The following TNNT2 variants were observed in gnomAD, a reference collection of about 807,000 sequenced individuals.
TNNT2 encodes troponin T, cardiac muscle.
Under a neutral mutation model 62.4 loss-of-function variants are expected in TNNT2, and 34 were observed. The ratio of observed to expected loss-of-function variants is 0.54; its 90% CI spans 0.41 to 0.72. The LOEUF is 0.72. Among genes scored for constraint, TNNT2 ranks in the 30% least tolerant of loss-of-function variants. The pLI, the probability that TNNT2 is intolerant of heterozygous loss-of-function variation, is 0.00. For synonymous variants in TNNT2, 123 were observed against 127.2 expected, an observed-to-expected ratio of 0.97 and a Z score of 0.22; for missense variants, 275 against 381.9, an observed-to-expected ratio of 0.72 and a Z score of 2.33.
intron 6 of TNNT2, 51 bp from the exon 7 acceptor site, chr1:201,367,857 C>T (rs1050684779): frequency 6.2e-7 from 1 of 1,601,380 alleles, no homozygotes. Context: ...AGCTCAAGTC[C>T]CCCCCTCCGC....
chr1:201,368,850 G>A (rs1213473613), intron 5 of TNNT2, among the ~76,000 whole-genome samples: 1 of 152,178 alleles, frequency 6.6e-6, no homozygotes, highest in Admixed American at 6.5e-5. Context: ...ACTGGGAAGT[G>A]GGTGCCTCTT....
intron 5 of TNNT2, chr1:201,369,431 CCAGCT>C (rs1660239271): frequency 2.1e-6 from 1 of 479,596 alleles, no homozygotes; most frequent in South Asian, 1.5e-5. Flanking sequence ...TTGGTGCTGT[CCAGCT>C]CCTAAGGAGG....
intron 10 of TNNT2, among the ~76,000 whole-genome samples, chr1:201,364,990 G>A (rs1158664061): frequency 6.6e-6 from 1 of 152,140 alleles, no homozygotes; most frequent in Non-Finnish European, 1.5e-5. Context: ...CAGTAGGATG[G>A]GGAGGGAAGG....
Position 201,362,029 on chromosome 1 carries a change from G to C in TNNT2, c.610-7C>G. 6.2e-7 allele frequency: 1 copy of C among 1,613,896 alleles called. No homozygotes were observed. The highest frequency in any genetic ancestry group is 2.2e-5 in the East Asian group (1 of 44,862). On this transcript the variant is annotated splice_region_variant and splice_polypyrimidine_tract_variant and intron_variant, in intron 13 of 16. Transcript: ENST00000656932. ...TCCCACTTTTCCGCTCTGTCTGGAG[G>C]GTGTGGGAAGCAGAGTAAACTGGCC...
rs1658119063 is a variant in TNNT2 at position 201,359,206 on chromosome 1, G to A, written c.*4C>T. On this transcript the variant is annotated 3_prime_UTR_variant, in exon 17 of 17. Coordinates refer to ENST00000656932, the MANE Select transcript of TNNT2 (RefSeq NM_001276345.2). ...AGCAGATCTTTGGTGAAGGAGGCCAGGCTCTATTTCCAGCGCCCGGTGACT... is the reference window on the plus strand; with the variant it reads ...AGCAGATCTTTGGTGAAGGAGGCCAAGCTCTATTTCCAGCGCCCGGTGACT... The A allele has an allele frequency of 6.2e-7, 1 of 1,609,164 alleles. No individual in the cohort carries two copies. Among genetic ancestry groups the A allele is most frequent in the African/African-American group, 1.3e-5 (1 of 74,912 alleles).
chr1:201,376,819 G>A (rs773681367), intron 1 of TNNT2, among the ~76,000 whole-genome samples: 5 of 152,194 alleles, frequency 3.3e-5, no homozygotes, highest in Non-Finnish European at 5.9e-5. Context: ...GGGTGTTGGG[G>A]TGGGATGGGA....
chr1:201,371,937 G>C, intron 4 of TNNT2, 90 bp downstream of exon 4: 1 of 1,537,702 alleles, frequency 6.5e-7, no homozygotes, highest in South Asian at 1.1e-5. Flanking sequence ...TGAGGAGCAG[G>C]GACAGATGAG....
chr1:201,362,518 T>C, intron 12 of TNNT2, 124 bp from the exon 13 acceptor site: 1 of 1,302,420 alleles, frequency 7.7e-7, no homozygotes, highest in Non-Finnish European at 1.1e-6. Flanking sequence ...AGATACTCGC[T>C]GTAGTCAGCC....
In TNNT2 at chr1:201,365,650, A is replaced by C. The variant is rs730881095; in HGVS notation, c.254T>G (p.Val85Gly). 2 of 1,613,892 alleles carry C rather than the reference A, an allele frequency of 1.2e-6. No homozygotes were observed. Among genetic ancestry groups the C allele is most frequent in the African/African-American group, 2.7e-5 (2 of 74,932 alleles). Reference protein sequence around the residue: ...PKPRSFMPNLVPPKIPDGERV... With the variant: ...PKPRSFMPNLGPPKIPDGERV... Reference sequence around the variant, plus strand: ...CTCTCCATCGGGGATCTTGGGAGGCACCAAGTTGGGCATGAACGACCTGTT... The same window carrying C: ...CTCTCCATCGGGGATCTTGGGAGGCCCCAAGTTGGGCATGAACGACCTGTT... The change falls in exon 9 of 17, where the codon GTG becomes GGG. Residue 85 changes from valine (V) to glycine (G), a missense_variant. Transcript: ENST00000656932.
chr1:201,374,432 A>C (rs1156653273), intron 1 of TNNT2: 3 of 152,114 alleles, frequency 2.0e-5, no homozygotes, highest in African/African-American at 7.3e-5. Context: ...CATGGAGATA[A>C]AGTGTACACA....
chr1:201,365,379 A>AC (rs35448837), intron 9 of TNNT2, 72 bp from the exon 10 acceptor site: 3 of 1,384,500 alleles, frequency 2.2e-6, no homozygotes, highest in African/African-American at 1.4e-5. Context: ...TGGGCTAGAC[A>AC]CCCCCCAACG....
chr1:201,364,344 T>A lies in TNNT2; in HGVS notation c.443A>T (p.Gln148Leu). 2 of 1,613,380 alleles carry A rather than the reference T, an allele frequency of 1.2e-6. No homozygotes were observed. Among genetic ancestry groups the A allele is most frequent in the Non-Finnish European group, 1.7e-6 (2 of 1,180,008 alleles). ...CTTCTCCCGCTCATTCCGGATGCGC[T>A]GCTGCTCGGCCCGCTCTGCCCGACG... is the stretch of plus-strand genomic sequence containing the variant. ...ERRRAERAEQ[Q>L]RIRNEREKER... Residue 148 changes from glutamine (Q) to leucine (L), a missense_variant, in exon 11 of 17, where the codon CAG (glutamine) becomes CTG (leucine). By Grantham distance (113) the Gln-to-Leu change is moderately radical (BLOSUM62 -2). Transcript: ENST00000656932.
chr1:201,360,972 G>A (rs1473079906), intron 15 of TNNT2: 1 of 439,282 alleles, frequency 2.3e-6, no homozygotes, highest in Admixed American at 3.5e-5. Flanking sequence ...GTGCATCCTG[G>A]TCCTTGTAAC....
intron 1 of TNNT2, 63 bp from the exon 2 acceptor site, chr1:201,373,331 C>A: frequency 6.9e-7 from 1 of 1,456,072 alleles, no homozygotes. Flanking sequence ...CAGAAGAGCT[C>A]TGGCCCCCGT....
At position 201,365,666 on chromosome 1, in the gene TNNT2, A is replaced by G. The variant is rs886039053; in HGVS notation, c.238T>C (p.Phe80Leu). The G allele has an allele frequency of 1.2e-6, 2 of 1,613,846 alleles. No homozygotes were observed. Among genetic ancestry groups the G allele is most frequent in the East Asian group, 2.2e-5 (1 of 44,862 alleles). The change falls in exon 9 of 17, where the codon TTC (phenylalanine) becomes CTC (leucine). Residue 80 changes from phenylalanine to leucine, a missense_variant. Coordinates refer to ENST00000656932, the MANE Select transcript of TNNT2 (RefSeq NM_001276345.2). Reference protein sequence around the residue: ...MEESKPKPRSFMPNLVPPKIP... With the variant: ...MEESKPKPRSLMPNLVPPKIP... ...TTGGGAGGCACCAAGTTGGGCATGAACGACCTGTTGGAGAGAGGAATAGTC... is the reference window on the plus strand; with the variant it reads ...TTGGGAGGCACCAAGTTGGGCATGAGCGACCTGTTGGAGAGAGGAATAGTC...
intron 15 of TNNT2, chr1:201,361,032 T>C: frequency 3.6e-6 from 2 of 563,234 alleles, no homozygotes; most frequent in Non-Finnish European, 6.4e-6. Context: ...ACCCCCAGGG[T>C]TGGAACACCA....
rs2102283440 is a variant in TNNT2 at position 201,368,182 on chromosome 1, G to A, written c.143C>T (p.Thr48Ile). ...AEEDAEAEAE[T>I]EETRAEEDEE... is the part of the protein sequence containing the mutation. ...CTTACCTTCTGCCCTGGTCTCCTCGGTCTCAGCCTCTGCTTCAGCATCCTC... is the reference window on the plus strand; with the variant it reads ...CTTACCTTCTGCCCTGGTCTCCTCGATCTCAGCCTCTGCTTCAGCATCCTC... The change falls in exon 6 of 17, where the codon ACC (threonine) becomes ATC (isoleucine). Residue 48 changes from threonine to isoleucine, a missense_variant. Physicochemically the swap from Thr to Ile is moderately conservative, Grantham distance 89 (BLOSUM62 -1). Transcript: ENST00000656932. 6.2e-7 allele frequency: 1 copy of A among 1,614,080 alleles called. No individual in the cohort carries two copies. The highest frequency in any genetic ancestry group is 1.1e-5 in the South Asian group (1 of 91,076).
intron 5 of TNNT2, among the ~76,000 whole-genome samples, chr1:201,368,683 A>G (rs998876729): frequency 5.3e-5 from 8 of 152,266 alleles, no homozygotes; most frequent in African/African-American, 1.9e-4. Flanking sequence ...AGTGGGCAGG[A>G]TTTTTCTATT....
chr1:201,377,645 G>C lies in TNNT2; in HGVS notation c.-37C>G, dbSNP rs1178200808. 1 of 456,322 alleles carries C rather than the reference G, an allele frequency of 2.2e-6. No homozygotes were observed. Among genetic ancestry groups the C allele is most frequent in the African/African-American group, 2.0e-5 (1 of 50,206 alleles). 28.3% of individuals were successfully genotyped at this position (456,322 alleles called of 1,614,324 possible). On this transcript the variant is annotated 5_prime_UTR_variant, in exon 1 of 17. The change creates a new upstream start codon in the 5' untranslated region. Coordinates refer to ENST00000656932, the MANE Select transcript of TNNT2 (RefSeq NM_001276345.2). Reference sequence around the variant, plus strand: ...TACCTCAGAACAGCAGCTGCCGACAGATCCTGGAGGCGTCTGCTCAGTCTC... The same window carrying C: ...TACCTCAGAACAGCAGCTGCCGACACATCCTGGAGGCGTCTGCTCAGTCTC...
Sources: allele counts gnomAD v4.1 joint callset (sites outside exome capture counted in the v4.1 genomes callset), GRCh38; gene constraint gnomAD v4.1.1; transcripts MANE v1.5; gene names NCBI Gene and HGNC (gene_info 2026-07-23, HGNC 2026-07-21).